Variants in SPOCK3 observed in about 807,000 individuals in gnomAD.
The protein encoded by SPOCK3 is SPARC (osteonectin), cwcv and kazal like domains proteoglycan 3, also known as testican-3.
A neutral mutation model predicts 56.6 loss-of-function variants in SPOCK3; 30 were observed. That is an observed-to-expected ratio of 0.53 (90% CI 0.40 to 0.72). SPOCK3 has a LOEUF of 0.72. Among genes scored for constraint, SPOCK3 ranks in the 30% least tolerant of loss-of-function variants. The pLI, the probability that SPOCK3 is intolerant of heterozygous loss-of-function variation, is 0.00. For missense variants in SPOCK3, 527 were observed against 530.0 expected (o/e 0.99, Z 0.06); for synonymous variants, 196 against 183.3 (o/e 1.07, Z -0.56).
intron 3 of SPOCK3, among the ~76,000 whole-genome samples, chr4:167,051,342 T>C (rs1442185642): frequency 6.6e-6 from 1 of 152,220 alleles, no homozygotes; most frequent in Non-Finnish European, 1.5e-5. Context: ...ACTTTCTATG[T>C]ATGTCCAGAG....
intron 5 of SPOCK3, among the ~76,000 whole-genome samples, chr4:166,905,295 A>G (rs927260718): frequency 6.6e-5 from 10 of 151,978 alleles, no homozygotes; most frequent in African/African-American, 2.2e-4. Flanking sequence ...AGGATTTTTT[A>G]GATAAATGCA....
intron 2 of SPOCK3, among the ~76,000 whole-genome samples, chr4:167,160,228 G>A (rs1450192403): frequency 6.6e-6 from 1 of 152,122 alleles, no homozygotes; most frequent in African/African-American, 2.4e-5. Context: ...AAAATCACAA[G>A]CATTCTTATA....
intron 3 of SPOCK3, among the ~76,000 whole-genome samples, chr4:167,023,196 G>A (rs768165354): frequency 2.6e-5 from 4 of 151,914 alleles, no homozygotes; most frequent in South Asian, 2.1e-4. Context: ...CTGAGGTCCC[G>A]ATATGGCACA....
chr4:167,220,022 C>T (rs1012802051), intron 2 of SPOCK3, among the ~76,000 whole-genome samples: 1 of 152,056 alleles, frequency 6.6e-6, no homozygotes, highest in African/African-American at 2.4e-5. Context: ...AATAACATTA[C>T]ATCTCTCTTT....
chr4:166,787,026 C>T (rs1740803278), intron 7 of SPOCK3, among the ~76,000 whole-genome samples: 1 of 152,120 alleles, frequency 6.6e-6, no homozygotes, highest in African/African-American at 2.4e-5. Context: ...TGAAGTCATT[C>T]ATTAACTTTC....
At chr4:166,979,845 C>T (rs986710426) in intron 4 of SPOCK3, among the ~76,000 whole-genome samples, 1 of 152,140 alleles carries the variant, frequency 6.6e-6, no homozygotes, top group African/African-American at 2.4e-5. Context: ...TAACTGTAAC[C>T]TCCCACCCAC....
At chr4:167,110,258 G>C (rs909484545) in intron 2 of SPOCK3, among the ~76,000 whole-genome samples, 3 of 151,914 alleles carry the variant, frequency 2.0e-5, no homozygotes, top group African/African-American at 7.3e-5. Flanking sequence ...TTTCTTTCTT[G>C]AAGCAGAAAT....
At chr4:166,827,502 C>G (rs931097288) in intron 6 of SPOCK3, among the ~76,000 whole-genome samples, 1 of 152,028 alleles carries the variant, frequency 6.6e-6, no homozygotes, top group Non-Finnish European at 1.5e-5. Context: ...GATTTGAATT[C>G]TCTAGTAGCA....
chr4:167,174,438 A>T (rs1730788824), intron 2 of SPOCK3, among the ~76,000 whole-genome samples: 1 of 150,724 alleles, frequency 6.6e-6, no homozygotes, highest in African/African-American at 2.4e-5. Context: ...AAAATTTTGA[A>T]AAAAAAAAAA....
chr4:167,027,328 A>G (rs1751786213), intron 3 of SPOCK3, among the ~76,000 whole-genome samples: 1 of 152,014 alleles, frequency 6.6e-6, no homozygotes, highest in South Asian at 2.1e-4. Context: ...CAATGTTTAC[A>G]TGTTAAAGAC....
At chr4:167,161,845 A>T (rs1214619078) in intron 2 of SPOCK3, among the ~76,000 whole-genome samples, 1 of 140,052 alleles carries the variant, frequency 7.1e-6, no homozygotes, top group Non-Finnish European at 1.6e-5. Context: ...AACAATGAGA[A>T]CACATGGACA....
chr4:167,078,219 T>A (rs764531871), intron 2 of SPOCK3, among the ~76,000 whole-genome samples: 13 of 151,868 alleles, frequency 8.6e-5, no homozygotes, highest in Admixed American at 3.3e-4. Flanking sequence ...ACAGGCACTA[T>A]CAGATCAGAA....
intron 2 of SPOCK3, among the ~76,000 whole-genome samples, chr4:167,219,454 T>C (rs1735685145): frequency 6.6e-6 from 1 of 152,210 alleles, no homozygotes; most frequent in Non-Finnish European, 1.5e-5. Context: ...ATCAAATTAC[T>C]ATTTTTAGGA....
At chr4:166,839,701 C>A (rs1747031458) in intron 6 of SPOCK3, among the ~76,000 whole-genome samples, 1 of 152,138 alleles carries the variant, frequency 6.6e-6, no homozygotes, top group Non-Finnish European at 1.5e-5. Context: ...CATTTACCAT[C>A]ATTATAATCA....
rs189616547 is a variant in SPOCK3, at chr4:167,127,501, C to G, written c.190-64964G>C. ...GAAGTGCAATGGCATGATCTCGGCTCACTGCAACCTCTGGTTCCCGGGTTC... is the reference window on the plus strand; with the variant it reads ...GAAGTGCAATGGCATGATCTCGGCTGACTGCAACCTCTGGTTCCCGGGTTC... On this transcript the variant is annotated intron_variant, in intron 2 of 10. Transcript: ENST00000357545. Among the ~76,000 whole-genome samples the G allele has an allele frequency of 4.6e-5, 7 of 151,748 alleles. No individual in the cohort carries two copies. The East Asian group carries it at 1.4e-3, about 30-fold the overall frequency.
chr4:166,845,928 T>C (rs1251297658), intron 6 of SPOCK3, among the ~76,000 whole-genome samples: 1 of 152,148 alleles, frequency 6.6e-6, no homozygotes, highest in Admixed American at 6.5e-5. Context: ...ATACCCTGTA[T>C]GGTAAAAGCT....
intron 2 of SPOCK3, among the ~76,000 whole-genome samples, chr4:167,125,405 C>T (rs890402439): frequency 1.3e-5 from 2 of 148,322 alleles, no homozygotes; most frequent in Non-Finnish European, 1.5e-5. Context: ...AAAAATAAAA[C>T]GGTGCTTAAA....
chr4:166,902,231 T>C (rs1736127102), intron 5 of SPOCK3, among the ~76,000 whole-genome samples: 1 of 152,186 alleles, frequency 6.6e-6, no homozygotes, highest in African/African-American at 2.4e-5. Context: ...TTTTTGTTGG[T>C]ATAATGGTAC....
chr4:167,216,949 T>C (rs530904114), intron 2 of SPOCK3, among the ~76,000 whole-genome samples: 1 of 152,092 alleles, frequency 6.6e-6, no homozygotes, highest in East Asian at 1.9e-4. Context: ...TGAATGACAA[T>C]AGTACAGAGA....
Sources: allele counts gnomAD v4.1 joint callset (sites outside exome capture counted in the v4.1 genomes callset), GRCh38; gene constraint gnomAD v4.1.1; transcripts MANE v1.5; gene names NCBI Gene and HGNC (gene_info 2026-07-23, HGNC 2026-07-21).